The following PLXNA4 variants were observed in gnomAD, a reference collection of about 807,000 sequenced individuals.
The protein encoded by PLXNA4 is plexin A4, also known as plexin-A4.
In PLXNA4, 44 loss-of-function variants were observed where a neutral mutation model predicts 191.8. The ratio of observed to expected loss-of-function variants is 0.23; its 90% CI spans 0.18 to 0.29. The LOEUF is 0.29. PLXNA4 is among the 10% of genes least tolerant of loss of function. The pLI is 1.00. For missense variants in PLXNA4, 1,800 were observed against 2,488.8 expected (o/e 0.72, Z 5.89); for synonymous variants, 1,082 against 1,009.5 (o/e 1.07, Z -1.36).
In PLXNA4 at chr7:132,185,321, C is replaced by T; in HGVS notation, c.3136G>A (p.Glu1046Lys). The change falls in exon 16 of 32, where the codon GAG becomes AAG. Residue 1046 changes from glutamate to lysine, a missense_variant. Physicochemically the swap from Glu to Lys is moderately conservative, Grantham distance 56. Around this residue, in one of 6 missense-constraint regions of PLXNA4, gnomAD observed 1,397 missense variants for 1,880.4 expected, o/e 0.74. Transcript: ENST00000321063. The part of the protein sequence containing the change: ...YVEDPTIVRI[E>K]PEWSIVSGNT... ...TACCTGACAATGCTCCATTCTGGCT[C>T]AATCCGCACGATGGTGGGGTCTTCC... is the stretch of plus-strand genomic sequence containing the variant. 3 of 1,613,628 alleles carry T rather than the reference C, an allele frequency of 1.9e-6. No individual in the cohort carries two copies. Among genetic ancestry groups the T allele is most frequent in the Non-Finnish European group, 2.5e-6 (3 of 1,179,788 alleles).
At chr7:132,260,313 G>A (rs1799592191) in intron 4 of PLXNA4, among the ~76,000 whole-genome samples, 1 of 152,178 alleles carries the variant, frequency 6.6e-6, no homozygotes, top group Non-Finnish European at 1.5e-5. Context: ...ATACCGTGGA[G>A]TACTATGTAC....
At position 132,159,571 on chromosome 7, in the gene PLXNA4, T is replaced by C. The variant is rs1795887710; in HGVS notation, c.4562A>G (p.Asn1521Ser). The C allele has an allele frequency of 6.2e-7, 1 of 1,614,046 alleles. No individual in the cohort carries two copies. Among genetic ancestry groups the C allele is most frequent in the Admixed American group, 1.7e-5 (1 of 60,008 alleles). Residue 1521 changes from asparagine (N) to serine (S), a missense_variant, in exon 25 of 32, where the codon AAC becomes AGC. Around this residue, in one of 6 missense-constraint regions of PLXNA4, gnomAD observed 214 missense variants for 298.2 expected, o/e 0.72. Transcript: ENST00000321063. The stretch of plus-strand genomic sequence containing the variant: ...CTTGACCTGAGTGATGGTGTCACAG[T>C]TGAGGATCTTTACTGGGACCTCGGG... ...NSPEVPVKIL[N>S]CDTITQVKEK...
At chr7:132,274,995 C>T (rs981277087) in intron 4 of PLXNA4, among the ~76,000 whole-genome samples, 4 of 151,930 alleles carry the variant, frequency 2.6e-5, no homozygotes, top group Admixed American at 6.6e-5. Flanking sequence ...ATGGTTTCTG[C>T]TAGGTTTCTA....
At chr7:132,640,412 T>C (rs563537801) in intron 2 of PLXNA4, among the ~76,000 whole-genome samples, 2 of 152,160 alleles carry the variant, frequency 1.3e-5, no homozygotes, top group Non-Finnish European at 1.5e-5. Context: ...GTGACTGTAT[T>C]TGGAGATAGG....
At chr7:132,319,071 A>G (rs1409731454) in intron 3 of PLXNA4, among the ~76,000 whole-genome samples, 2 of 152,184 alleles carry the variant, frequency 1.3e-5, no homozygotes, top group African/African-American at 4.8e-5. Flanking sequence ...GCAAGGCGAT[A>G]TGGAGGAGAG....
At chr7:132,563,074 TCC>T (rs1443010091) in intron 1 of PLXNA4, among the ~76,000 whole-genome samples, 3 of 99,814 alleles carry the variant, frequency 3.0e-5, no homozygotes, top group Admixed American at 9.8e-5. Flanking sequence ...CTCCTCCTCC[TCC>T]TTCTCCTCCT....
chr7:132,291,681 G>T (rs1800897735), intron 4 of PLXNA4, among the ~76,000 whole-genome samples: 1 of 152,210 alleles, frequency 6.6e-6, no homozygotes, highest in African/African-American at 2.4e-5. Context: ...TACCCTGCAT[G>T]TCGAGAGCTG....
chr7:132,576,601 C>G, upstream of PLXNA4: 1 of 985,974 alleles, frequency 1.0e-6, no homozygotes, highest in Non-Finnish European at 1.2e-6. The surrounding 1 kb of genome is among the most constrained non-coding windows in gnomAD (Gnocchi z 5.8). Context: ...CGGGAGCAGC[C>G]GAGGAACGCG....
chr7:132,335,227 C>T (rs1802768890), intron 3 of PLXNA4, among the ~76,000 whole-genome samples: 1 of 152,116 alleles, frequency 6.6e-6, no homozygotes, highest in Non-Finnish European at 1.5e-5. Flanking sequence ...TCACAGGGCT[C>T]GTGAGCCATA....
chr7:132,583,151 C>A (rs1802438028), intron 2 of PLXNA4, among the ~76,000 whole-genome samples: 1 of 152,208 alleles, frequency 6.6e-6, no homozygotes, highest in African/African-American at 2.4e-5. Flanking sequence ...GTGCCGAGTC[C>A]TGTTCACTTT....
intron 4 of PLXNA4, among the ~76,000 whole-genome samples, chr7:132,258,649 T>C (rs1185029374): frequency 2.6e-5 from 4 of 152,178 alleles, no homozygotes; most frequent in African/African-American, 9.7e-5. Flanking sequence ...CACAATTCTG[T>C]AGGAGCTATG....
At chr7:132,634,588 A>G (rs2116883141) in intron 2 of PLXNA4, among the ~76,000 whole-genome samples, 1 of 152,322 alleles carries the variant, frequency 6.6e-6, no homozygotes, top group East Asian at 1.9e-4. Flanking sequence ...AGATCACTGA[A>G]CAAGCGCCCC....
chr7:132,295,080 A>T (rs1801027992), intron 4 of PLXNA4, among the ~76,000 whole-genome samples: 1 of 152,238 alleles, frequency 6.6e-6, no homozygotes, highest in Non-Finnish European at 1.5e-5. Context: ...TGCTTCCCTT[A>T]TCTGACTTAA....
chr7:132,464,847 A>G, intron 3 of PLXNA4, among the ~76,000 whole-genome samples: 1 of 152,228 alleles, frequency 6.6e-6, no homozygotes, highest in East Asian at 1.9e-4. Context: ...CTACAAAAAG[A>G]TTCCTCAGAT....
Position 132,205,330 on chromosome 7 carries a change from G to A in PLXNA4, c.2299-1911C>T, listed in dbSNP as rs373795069. On this transcript the variant is annotated intron_variant, in intron 10 of 31. Coordinates refer to ENST00000321063, the MANE Select transcript of PLXNA4 (RefSeq NM_020911.2). ...TTCCAGGGCCCATCCCAGATCTGCCGGACTGGAATCTCTAAAGATGAGGAG... is the reference window on the plus strand; with the variant it reads ...TTCCAGGGCCCATCCCAGATCTGCCAGACTGGAATCTCTAAAGATGAGGAG... 6.6e-4 allele frequency among the ~76,000 whole-genome samples: 101 copies of A among 152,236 alleles called. 1 individual carries two copies. In the Middle Eastern group the frequency reaches 0.01, roughly 15 times the overall value.
chr7:132,258,864 A>T (rs1799523348), intron 4 of PLXNA4, among the ~76,000 whole-genome samples: 1 of 152,212 alleles, frequency 6.6e-6, no homozygotes. Flanking sequence ...CTCAATGCAG[A>T]TATTTATGCT....
chr7:132,465,017 C>T (rs1051309569), intron 3 of PLXNA4, among the ~76,000 whole-genome samples: 2 of 152,238 alleles, frequency 1.3e-5, no homozygotes, highest in African/African-American at 4.8e-5. Flanking sequence ...CCTGACCCAG[C>T]CCCGGGGAGC....
chr7:132,497,857 C>T (rs1798088862), intron 2 of PLXNA4, among the ~76,000 whole-genome samples: 1 of 152,162 alleles, frequency 6.6e-6, no homozygotes. Flanking sequence ...TGCTTCATCT[C>T]AGAATGATTC....
At chr7:132,495,244 A>T (rs1266435784) in intron 2 of PLXNA4, among the ~76,000 whole-genome samples, 3 of 152,136 alleles carry the variant, frequency 2.0e-5, no homozygotes, top group African/African-American at 7.2e-5. Context: ...GAAACCTCAC[A>T]TTGAGTCCTT....
Sources: gnomAD v4.1 joint callset for allele counts (sites outside exome capture counted in the v4.1 genomes callset) on GRCh38, gnomAD v4.1.1 for gene constraint, gnomAD v4.1.1 regional missense constraint, Gnocchi (gnomAD v3.1) non-coding constraint, MANE v1.5 for transcripts, NCBI Gene and HGNC (gene_info 2026-07-23, HGNC 2026-07-21) for gene names.